GPRC5A: variants seen among roughly 807,000 people sequenced by gnomAD.
The protein encoded by GPRC5A is retinoic acid-induced protein 3.
In GPRC5A, 19 loss-of-function variants were observed where a neutral mutation model predicts 22.5. The observed-to-expected ratio is 0.85, with a 90% CI of 0.59 to 1.24. The LOEUF (loss-of-function observed/expected upper bound fraction) is 1.24. Ranked by LOEUF, GPRC5A falls within the 50% of genes most tolerant of loss-of-function variation. The pLI is 0.00. For missense variants in GPRC5A, 471 were observed against 451.1 expected (o/e 1.04, Z -0.40); for synonymous variants, 192 against 184.5 (o/e 1.04, Z -0.33).
At chr12:12,900,603 A>G (rs1288940477) in intron 1 of GPRC5A, among the ~76,000 whole-genome samples, 1 of 151,190 alleles carries the variant, frequency 6.6e-6, no homozygotes, top group Non-Finnish European at 1.5e-5. Context: ...GTTTTTCTAA[A>G]CCTTTCTTTT....
Position 12,909,022 on chromosome 12 carries a change from T to A in GPRC5A, c.773T>A (p.Leu258Ter), listed in dbSNP as rs781452373. ...ALAANGWVFL[L>*]AYVSPEFWLL... The stretch of plus-strand genomic sequence containing the variant: ...GCTGCCAATGGCTGGGTGTTCCTGT[T>A]GGCTTATGTTAGTCCCGAGTTTTGG... The change falls in exon 2 of 4, where the codon TTG (leucine) becomes TAG (stop). Residue 258 changes from leucine to a stop codon, truncating the protein, a stop_gained. Coordinates refer to ENST00000014914, the MANE Select transcript of GPRC5A (RefSeq NM_003979.4). LOFTEE classifies it high-confidence loss of function. The A allele has an allele frequency of 1.2e-6, 2 of 1,613,766 alleles. No individual in the cohort carries two copies. The highest frequency in any genetic ancestry group is 1.1e-5 in the South Asian group (1 of 91,086).
intron 1 of GPRC5A, among the ~76,000 whole-genome samples, chr12:12,893,270 G>C (rs778218809): frequency 6.6e-6 from 1 of 152,216 alleles, no homozygotes; most frequent in Non-Finnish European, 1.5e-5. Flanking sequence ...CGTCGCCTTG[G>C]AAGTTCCCTT....
chr12:12,913,519 A>G lies in GPRC5A; in HGVS notation c.*980A>G, dbSNP rs990371174. 6.6e-6 allele frequency: 1 copy of G among 152,174 alleles called. No individual in the cohort carries two copies. The highest frequency in any genetic ancestry group is 1.5e-5 in the Non-Finnish European group (1 of 68,050). 9.4% of individuals were successfully genotyped at this position (152,174 alleles called of 1,614,324 possible). Reference sequence around the variant, plus strand: ...TCATCTTGCACCCCAACCTCTGTAAATAGATTTACCGCATTTACGGCTGCA... The same window carrying G: ...TCATCTTGCACCCCAACCTCTGTAAGTAGATTTACCGCATTTACGGCTGCA... On this transcript the variant is annotated 3_prime_UTR_variant, in exon 4 of 4. Coordinates refer to ENST00000014914, the MANE Select transcript of GPRC5A (RefSeq NM_003979.4).
intron 1 of GPRC5A, among the ~76,000 whole-genome samples, chr12:12,903,435 C>A (rs1197024918): frequency 5.3e-5 from 8 of 152,102 alleles, no homozygotes; most frequent in Non-Finnish European, 2.9e-5. Flanking sequence ...TGTGCCCCTC[C>A]GCACCTGGCT....
At chr12:12,909,433 T>C (rs1863980892) in intron 2 of GPRC5A, 1 of 384,666 alleles carries the variant, frequency 2.6e-6, no homozygotes. Flanking sequence ...TTCCCCTTTC[T>C]TGTGCTGTAA....
At chr12:12,893,535 G>T (rs1326707727) in intron 1 of GPRC5A, among the ~76,000 whole-genome samples, 1 of 152,052 alleles carries the variant, frequency 6.6e-6, no homozygotes, top group Admixed American at 6.6e-5. Context: ...TTGCACTGTG[G>T]TCAGACTATA....
intron 1 of GPRC5A, among the ~76,000 whole-genome samples, chr12:12,895,379 T>TG (rs1198498521): frequency 1.3e-5 from 2 of 151,992 alleles, no homozygotes; most frequent in African/African-American, 4.8e-5. Flanking sequence ...TTAGTCTTTT[T>TG]TTTTTTCAAA....
intron 1 of GPRC5A, among the ~76,000 whole-genome samples, chr12:12,893,340 G>T (rs1008205658): frequency 7.9e-5 from 12 of 152,200 alleles, no homozygotes; most frequent in African/African-American, 2.9e-4. Context: ...AGGGTATGAA[G>T]AACAATTTTG....
intron 1 of GPRC5A, among the ~76,000 whole-genome samples, chr12:12,905,442 T>C (rs1468435391): frequency 6.6e-6 from 1 of 152,052 alleles, no homozygotes; most frequent in Non-Finnish European, 1.5e-5. Flanking sequence ...AACAATCTCA[T>C]TGGGAAACAA....
intron 2 of GPRC5A, among the ~76,000 whole-genome samples, chr12:12,910,650 G>A (rs886550931): frequency 1.3e-5 from 2 of 152,020 alleles, no homozygotes; most frequent in Non-Finnish European, 2.9e-5. Flanking sequence ...CCTCTGCCTG[G>A]TGTGACCATC....
chr12:12,905,641 T>G (rs1287920396), intron 1 of GPRC5A, among the ~76,000 whole-genome samples: 4 of 152,220 alleles, frequency 2.6e-5, no homozygotes, highest in Non-Finnish European at 5.9e-5. Context: ...GTGAGCCACC[T>G]GTTTTGAGGA....
At chr12:12,902,490 T>A (rs1482743744) in intron 1 of GPRC5A, among the ~76,000 whole-genome samples, 3 of 151,928 alleles carry the variant, frequency 2.0e-5, no homozygotes, top group African/African-American at 7.3e-5. Context: ...AGACTGGACA[T>A]GGGGGCTCAC....
At chr12:12,911,390 T>A (rs1864002266) in intron 2 of GPRC5A, among the ~76,000 whole-genome samples, 1 of 152,184 alleles carries the variant, frequency 6.6e-6, no homozygotes. Flanking sequence ...ATATTTTCCT[T>A]GTCAGGCAGT....
intron 2 of GPRC5A, among the ~76,000 whole-genome samples, chr12:12,910,471 G>A (rs1863992344): frequency 6.6e-6 from 1 of 152,134 alleles, no homozygotes; most frequent in African/African-American, 2.4e-5. Flanking sequence ...TGGCCTCCAT[G>A]CTTTGCTGCT....
Position 12,914,995 on chromosome 12 carries a change from TCA to T in GPRC5A, c.*2459_*2460del, listed in dbSNP as rs371739552. The T allele has an allele frequency of 1.3e-3, 187 of 146,970 alleles. No homozygotes were observed. Among genetic ancestry groups the T allele is most frequent in the African/African-American group, 4.1e-3 (165 of 39,972 alleles). 9.1% of individuals were successfully genotyped at this position (146,970 alleles called of 1,614,324 possible). A position where few individuals can be genotyped will look rare whatever the true frequency, so the allele number is the denominator to read the frequency against. ...AAGGGAGGAGGAGTAAAAGGTAAAA[TCA>T]CAAAATACTCTGGATCGGCATTTTT... On this transcript the variant is annotated 3_prime_UTR_variant, in exon 4 of 4. Transcript: ENST00000014914.
chr12:12,908,415 G>A lies in GPRC5A; in HGVS notation c.166G>A (p.Val56Met), dbSNP rs551669994. 1.0e-4 allele frequency: 167 copies of A among 1,614,172 alleles called. No individual in the cohort carries two copies. In the South Asian group the frequency reaches 1.8e-3, roughly 17 times the overall value. Residue 56 changes from valine (V) to methionine (M), a missense_variant, in exon 2 of 4, where the codon GTG (valine) becomes ATG (methionine). Transcript: ENST00000014914. ...MLTLPILVCK[V>M]QDSNRRKMLP... Reference sequence around the variant, plus strand: ...CACTCTCCCGATCCTCGTCTGCAAGGTGCAGGACTCCAACAGGCGAAAAAT... The same window carrying A: ...CACTCTCCCGATCCTCGTCTGCAAGATGCAGGACTCCAACAGGCGAAAAAT...
At chr12:12,894,078 C>T (rs1234634870) in intron 1 of GPRC5A, among the ~76,000 whole-genome samples, 1 of 152,146 alleles carries the variant, frequency 6.6e-6, no homozygotes, top group Non-Finnish European at 1.5e-5. Flanking sequence ...TTTACTAAAA[C>T]ACAGCAATGC....
At chr12:12,902,636 G>T (rs984732692) in intron 1 of GPRC5A, among the ~76,000 whole-genome samples, 1 of 152,134 alleles carries the variant, frequency 6.6e-6, no homozygotes, top group South Asian at 2.1e-4. Flanking sequence ...CAGGTGTGGT[G>T]GCATGCGCTT....
chr12:12,903,941 C>A (rs1863914468), intron 1 of GPRC5A, among the ~76,000 whole-genome samples: 1 of 152,170 alleles, frequency 6.6e-6, no homozygotes, highest in East Asian at 1.9e-4. Context: ...TCATAACAAT[C>A]AGGTAATTAT....
Sources: allele counts gnomAD v4.1 joint callset (sites outside exome capture counted in the v4.1 genomes callset), GRCh38; gene constraint gnomAD v4.1.1; transcripts MANE v1.5; gene names NCBI Gene and HGNC (gene_info 2026-07-23, HGNC 2026-07-21).